Variants in ANK1 observed in about 807,000 individuals in gnomAD.
ANK1 encodes the protein ankyrin 1, also known as ankyrin-1.
A neutral mutation model predicts 210.4 loss-of-function variants in ANK1; 51 were observed. That is an observed-to-expected ratio of 0.24 (90% CI 0.19 to 0.31). ANK1 has a LOEUF of 0.31. ANK1 is among the 10% of genes least tolerant of loss of function. ANK1 has a pLI of 1.00. For synonymous variants in ANK1, 967 were observed against 1,025.9 expected (o/e 0.94, Z 1.10); for missense variants, 2,051 against 2,504.4 (o/e 0.82, Z 3.86).
intron 16 of ANK1, 124 bp downstream of exon 16, chr8:41,714,032 G>T: frequency 1.7e-6 from 1 of 605,578 alleles, no homozygotes; most frequent in Non-Finnish European, 2.5e-6. Flanking sequence ...CGTGATTTCT[G>T]AGGTAAAAAT....
intron 1 of ANK1, among the ~76,000 whole-genome samples, chr8:41,863,950 C>A (rs1813783858): frequency 6.6e-6 from 1 of 152,002 alleles, no homozygotes; most frequent in Non-Finnish European, 1.5e-5. Flanking sequence ...TTTGTTAATT[C>A]AAGGGTACCA....
intron 38 of ANK1, among the ~76,000 whole-genome samples, 160 bp downstream of exon 38, chr8:41,672,194 C>T (rs777815094): frequency 1.3e-5 from 2 of 152,182 alleles, no homozygotes; most frequent in Non-Finnish European, 2.9e-5. Flanking sequence ...CACCTATGCT[C>T]TTATATATGG....
Position 41,694,565 on chromosome 8 carries a change from G to A in ANK1, c.3327+27C>T, listed in dbSNP as rs757738329. ...AGGCCTGGAGTTCAGTCCACCCCCA[G>A]GACCTGGCGGGGAGGAGGGCTGTCA... is the stretch of plus-strand genomic sequence containing the variant. On this transcript the variant is annotated intron_variant, in intron 28 of 42. Coordinates refer to ENST00000289734, the MANE Select transcript of ANK1 (RefSeq NM_000037.4). The surrounding 1 kb of genome is among the most constrained non-coding windows in gnomAD (Gnocchi z 5.7). 2.6e-5 allele frequency: 41 copies of A among 1,606,278 alleles called. No individual in the cohort carries two copies. The highest frequency in any genetic ancestry group is 3.1e-5 in the Non-Finnish European group (37 of 1,176,496).
chr8:41,724,145 ACC>A (rs1447139196), intron 7 of ANK1, among the ~76,000 whole-genome samples: 1 of 151,864 alleles, frequency 6.6e-6, no homozygotes, highest in Non-Finnish European at 1.5e-5. Flanking sequence ...CCACCACACC[ACC>A]CAAGCCCATG....
rs148588732 is a variant in ANK1 at position 41,723,799 on chromosome 8, T to A, written c.712-166A>T. On this transcript the variant is annotated intron_variant, in intron 7 of 42. Coordinates refer to ENST00000289734, the MANE Select transcript of ANK1 (RefSeq NM_000037.4). Reference sequence around the variant, plus strand: ...TATTTTTTTTTATTTTTTATTTTTTTTTTTTTTTGAGACGGAGTCTCGCTC... The same window carrying A: ...TATTTTTTTTTATTTTTTATTTTTTATTTTTTTTGAGACGGAGTCTCGCTC... Among the ~76,000 whole-genome samples, 15,555 of 150,110 alleles carry A rather than the reference T, an allele frequency of 0.1. 1,190 individuals are homozygous for A. The highest frequency in any genetic ancestry group is 0.15 in the Non-Finnish European group (10,014 of 67,278).
intron 1 of ANK1, among the ~76,000 whole-genome samples, chr8:41,860,310 T>G (rs1207408540): frequency 2.0e-5 from 3 of 152,208 alleles, no homozygotes; most frequent in Non-Finnish European, 2.9e-5. Flanking sequence ...AGGTTTCACC[T>G]TGGCTTTGGC....
At chr8:41,690,635 G>A (rs191350427) in intron 31 of ANK1, 36 bp from the exon 32 acceptor site, 2 of 1,604,996 alleles carry the variant, frequency 1.2e-6, no homozygotes, top group African/African-American at 1.3e-5. Flanking sequence ...GCTTGTCAGG[G>A]AGAGAAGGGC....
intron 1 of ANK1, among the ~76,000 whole-genome samples, chr8:41,786,093 T>C (rs1846319091): frequency 6.6e-6 from 1 of 152,248 alleles, no homozygotes; most frequent in South Asian, 2.1e-4. Context: ...GCATTGTATC[T>C]TGTAGCAGGT....
chr8:41,810,957 G>C (rs1305080487), intron 1 of ANK1, among the ~76,000 whole-genome samples: 1 of 152,230 alleles, frequency 6.6e-6, no homozygotes, highest in Non-Finnish European at 1.5e-5. Flanking sequence ...CGGGTCTCAG[G>C]ACCAGGTGGC....
At chr8:41,850,835 T>C (rs905657349) in intron 1 of ANK1, among the ~76,000 whole-genome samples, 1 of 152,164 alleles carries the variant, frequency 6.6e-6, no homozygotes, top group Non-Finnish European at 1.5e-5. Context: ...TTAGGCAATA[T>C]GCCTGAAGCC....
intron 23 of ANK1, among the ~76,000 whole-genome samples, chr8:41,699,088 C>T (rs1821925094): frequency 1.3e-5 from 2 of 152,082 alleles, no homozygotes; most frequent in East Asian, 1.9e-4. Flanking sequence ...TGTGAGCCAC[C>T]GCACCCGGCC....
rs755594548 is a variant in ANK1, at chr8:41,719,651, C to G, written c.1107+10G>C. The G allele has an allele frequency of 1.1e-5, 17 of 1,614,186 alleles. No individual in the cohort carries two copies. The highest frequency in any genetic ancestry group is 1.4e-5 in the Non-Finnish European group (17 of 1,180,024). ...CACTCTGCACCTTCTCCAGCAGCAC[C>G]CCCACTCACCAGGGCTCTGGAGTTG... is the stretch of plus-strand genomic sequence containing the variant. On this transcript the variant is annotated intron_variant, in intron 10 of 42. Transcript: ENST00000289734.
intron 33 of ANK1, 144 bp from the exon 34 acceptor site, chr8:41,688,733 C>T (rs189726113): frequency 1.3e-6 from 1 of 748,476 alleles, no homozygotes; most frequent in East Asian, 2.7e-5. Flanking sequence ...GGACTTAACA[C>T]AAAGAGTAAC....
chr8:41,702,181 G>T (rs370140888), intron 20 of ANK1, 37 bp from the exon 21 acceptor site: 9 of 1,571,396 alleles, frequency 5.7e-6, no homozygotes, highest in Non-Finnish European at 7.0e-6. Context: ...TCAGACAGGG[G>T]ATGGAGTCTA....
At chr8:41,895,545 G>A (rs1003939789) in intron 1 of ANK1, among the ~76,000 whole-genome samples, 1 of 152,072 alleles carries the variant, frequency 6.6e-6, no homozygotes, top group African/African-American at 2.4e-5. Context: ...GGGTCTTTGC[G>A]GGCCTATTTT....
rs370282845 is a variant in ANK1, at chr8:41,724,437, G to C, written c.711+19C>G. 1 of 1,547,514 alleles carries C rather than the reference G, an allele frequency of 6.5e-7. No homozygotes were observed. Among genetic ancestry groups the C allele is most frequent in the South Asian group, 1.2e-5 (1 of 84,174 alleles). On this transcript the variant is annotated intron_variant, in intron 7 of 42. Transcript: ENST00000289734. ...CCCCAAGCCCCCGGACAGTGAGGGC[G>C]CACGTGCCCCAGGGTTACCTGTGGT...
chr8:41,890,569 C>A (rs1259719465), intron 1 of ANK1, among the ~76,000 whole-genome samples: 1 of 152,054 alleles, frequency 6.6e-6, no homozygotes, highest in Non-Finnish European at 1.5e-5. Context: ...ATTAGCCAGG[C>A]ATGGTGACAC....
chr8:41,822,001 G>A (rs771864816), intron 1 of ANK1, among the ~76,000 whole-genome samples: 1 of 151,694 alleles, frequency 6.6e-6, no homozygotes, highest in Non-Finnish European at 1.5e-5. Context: ...AGTGAGCCGA[G>A]ATTGTGCCAT....
In ANK1 at chr8:41,863,388, A is replaced by G. The variant is rs116169211; in HGVS notation, c.126+32967T>C. Among the ~76,000 whole-genome samples the G allele has an allele frequency of 3.1e-3, 470 of 152,234 alleles. 4 individuals carry two copies. The highest frequency in any genetic ancestry group is 0.011 in the African/African-American group (441 of 41,528). ...AAAAAAAAGAAAAAAAGTGTATTAT[A>G]AGGAAATTCATTTTCATTATAGAGA... On this transcript the variant is annotated intron_variant, in intron 1 of 42. Coordinates refer to the ANK1 transcript ENST00000265709.
Sources: gnomAD v4.1 joint callset for allele counts (sites outside exome capture counted in the v4.1 genomes callset) on GRCh38, gnomAD v4.1.1 for gene constraint, Gnocchi (gnomAD v3.1) non-coding constraint, MANE v1.5 for transcripts, NCBI Gene and HGNC (gene_info 2026-07-23, HGNC 2026-07-21) for gene names.